Variants in VPS41 observed in about 807,000 individuals in gnomAD.
VPS41 encodes VPS41 subunit of HOPS complex.
VPS41 carries 85 observed loss-of-function variants against 130.9 expected under a neutral mutation model. The observed-to-expected ratio is 0.65, with a 90% CI of 0.55 to 0.78. The LOEUF (loss-of-function observed/expected upper bound fraction) is 0.78. VPS41 is among the 30% of genes least tolerant of loss of function. The pLI, the probability that VPS41 is intolerant of heterozygous loss-of-function variation, is 0.00. For missense variants in VPS41, 874 were observed against 1,018.7 expected (o/e 0.86, Z 1.93); for synonymous variants, 335 against 332.9 (o/e 1.01, Z -0.07).
chr7:38,908,534 C>T (rs557901520), intron 1 of VPS41, among the ~76,000 whole-genome samples: 1 of 152,130 alleles, frequency 6.6e-6, no homozygotes, highest in South Asian at 2.1e-4. Context: ...CTCCTCTCTC[C>T]ATCTTAAACC....
At chr7:38,893,625 A>AC (rs1445015745) in intron 2 of VPS41, among the ~76,000 whole-genome samples, 1 of 152,254 alleles carries the variant, frequency 6.6e-6, no homozygotes, top group Non-Finnish European at 1.5e-5. Context: ...CGCTGGAAGG[A>AC]CCAGTTTAGT....
intron 10 of VPS41, among the ~76,000 whole-genome samples, chr7:38,787,910 T>C (rs1311020705): frequency 6.6e-6 from 1 of 152,196 alleles, no homozygotes; most frequent in East Asian, 1.9e-4. Flanking sequence ...GTCAGTAATG[T>C]GATACTGTTA....
chr7:38,758,643 A>C (rs1473091976), intron 17 of VPS41, among the ~76,000 whole-genome samples, 162 bp from the exon 18 acceptor site: 1 of 152,176 alleles, frequency 6.6e-6, no homozygotes, highest in Non-Finnish European at 1.5e-5. Context: ...TAATGAGCTG[A>C]CTGGTGGCTA....
chr7:38,863,018 T>A (rs939771287), intron 3 of VPS41, among the ~76,000 whole-genome samples: 1 of 152,196 alleles, frequency 6.6e-6, no homozygotes, highest in African/African-American at 2.4e-5. Context: ...AATGTGTAAA[T>A]CAGTGCTATC....
At chr7:38,861,959 T>C (rs1175728261) in intron 4 of VPS41, among the ~76,000 whole-genome samples, 1 of 152,158 alleles carries the variant, frequency 6.6e-6, no homozygotes, top group African/African-American at 2.4e-5. Flanking sequence ...CTTTGTATAT[T>C]TAGAAGAGAG....
At chr7:38,859,750 C>T (rs1007762016) in intron 4 of VPS41, among the ~76,000 whole-genome samples, 2 of 152,030 alleles carry the variant, frequency 1.3e-5, no homozygotes, top group African/African-American at 2.4e-5. Flanking sequence ...TGTTAAACGA[C>T]GCATGATTAT....
At chr7:38,757,042 G>C (rs769068854) in intron 18 of VPS41, 60 bp from the exon 19 acceptor site, 4 of 1,297,486 alleles carry the variant, frequency 3.1e-6, no homozygotes, top group Non-Finnish European at 4.4e-6. Context: ...AACACACACA[G>C]AGAGATCATG....
chr7:38,836,157 C>T (rs1047670898), intron 4 of VPS41, among the ~76,000 whole-genome samples: 2 of 151,682 alleles, frequency 1.3e-5, no homozygotes, highest in South Asian at 2.1e-4. Flanking sequence ...TTTATGTTTC[C>T]CCATTTCATT....
At chr7:38,845,448 T>A (rs1457916541) in intron 4 of VPS41, among the ~76,000 whole-genome samples, 1 of 152,182 alleles carries the variant, frequency 6.6e-6, no homozygotes, top group East Asian at 1.9e-4. Context: ...CCTGCAGTTG[T>A]CCCGTAGGGT....
chr7:38,847,224 T>C (rs1785745384), intron 4 of VPS41, among the ~76,000 whole-genome samples: 1 of 152,078 alleles, frequency 6.6e-6, no homozygotes, highest in Non-Finnish European at 1.5e-5. Context: ...ACCAAAATGA[T>C]CTGAACTATT....
chr7:38,865,676 A>AT (rs1786213638), intron 3 of VPS41, among the ~76,000 whole-genome samples: 1 of 152,224 alleles, frequency 6.6e-6, no homozygotes, highest in African/African-American at 2.4e-5. Context: ...AGTAAAAACC[A>AT]TTTTAGGCAG....
At chr7:38,860,693 CTGTTTGTGTG>C (rs1562613787) in intron 4 of VPS41, among the ~76,000 whole-genome samples, 2 of 134,456 alleles carry the variant, frequency 1.5e-5, no homozygotes, top group East Asian at 2.3e-4. Context: ...TATTAACAAT[CTGTTTGTGTG>C]TGTGTGTGTG....
At chr7:38,750,064 C>T (rs1796062548) in intron 22 of VPS41, among the ~76,000 whole-genome samples, 3 of 152,140 alleles carry the variant, frequency 2.0e-5, no homozygotes, top group Admixed American at 2.0e-4. Flanking sequence ...CAGAGTCTTG[C>T]TATGTTCACC....
chr7:38,817,330 G>A (rs943747150), intron 7 of VPS41, among the ~76,000 whole-genome samples: 6 of 152,172 alleles, frequency 3.9e-5, no homozygotes, highest in African/African-American at 1.2e-4. Flanking sequence ...GAGGCTGGGC[G>A]CAGTGGCTCA....
rs771766238 is a variant in VPS41 at position 38,763,564 on chromosome 7, GA to G, written c.1330-18del. 27 of 1,524,792 alleles carry G rather than the reference GA, an allele frequency of 1.8e-5. No individual in the cohort carries two copies. The highest frequency in any genetic ancestry group is 2.5e-5 in the South Asian group (2 of 80,990). The allele number at this position is 1,524,792 out of a possible 1,614,324, so 94.5% of individuals were successfully genotyped here. On this transcript the variant is annotated intron_variant, in intron 16 of 28. Coordinates refer to ENST00000310301, the MANE Select transcript of VPS41 (RefSeq NM_014396.4). ...ACTAATAGCCTAGGTAAGGAAAAGG[GA>G]AAAAAAAGTCCATTAAAATATGAAA...
At chr7:38,785,796 C>A (rs1382516313) in intron 10 of VPS41, among the ~76,000 whole-genome samples, 1 of 152,136 alleles carries the variant, frequency 6.6e-6, no homozygotes, top group African/African-American at 2.4e-5. Flanking sequence ...AAGTTTGGTT[C>A]CCTTTCCTTA....
chr7:38,863,678 T>C (rs1019365421), intron 3 of VPS41, among the ~76,000 whole-genome samples: 1 of 152,166 alleles, frequency 6.6e-6, no homozygotes, highest in African/African-American at 2.4e-5. Flanking sequence ...GTTGCCTTTT[T>C]TCAGGAAGAA....
At chr7:38,756,420 T>A (rs975856045) in intron 19 of VPS41, among the ~76,000 whole-genome samples, 1 of 152,210 alleles carries the variant, frequency 6.6e-6, no homozygotes, top group African/African-American at 2.4e-5. Context: ...GCTGGATACG[T>A]GAACACCAAG....
chr7:38,878,796 G>A lies in VPS41; in HGVS notation c.61-9543C>T, dbSNP rs191044301. ...TTTACCGAAGAGCTAAGAATGAAGAGCCACGAATGACCATTTGAATTCAGA... is the reference window on the plus strand; with the variant it reads ...TTTACCGAAGAGCTAAGAATGAAGAACCACGAATGACCATTTGAATTCAGA... On this transcript the variant is annotated intron_variant, in intron 2 of 28. Transcript: ENST00000310301. 6.2e-3 allele frequency among the ~76,000 whole-genome samples: 942 copies of A among 152,324 alleles called. 5 individuals carry two copies. The highest frequency in any genetic ancestry group is 0.014 in the Admixed American group (214 of 15,298).
Sources: allele counts gnomAD v4.1 joint callset (sites outside exome capture counted in the v4.1 genomes callset), GRCh38; gene constraint gnomAD v4.1.1; transcripts MANE v1.5; gene names NCBI Gene and HGNC (gene_info 2026-07-23, HGNC 2026-07-21).